Variants in NPIPB2 observed in about 807,000 individuals in gnomAD.
NPIPB2 encodes the protein nuclear pore complex-interacting protein family member B2.
A neutral mutation model predicts 30.8 loss-of-function variants in NPIPB2; 27 were observed. The ratio of observed to expected loss-of-function variants is 0.88; its 90% confidence interval spans 0.65 to 1.21. NPIPB2 has a LOEUF of 1.21. Ranked by LOEUF, NPIPB2 falls within the 50% of genes most tolerant of loss-of-function variation. The pLI is 0.00. For synonymous variants in NPIPB2, 147 were observed against 162.0 expected (o/e 0.91, Z 0.70); for missense variants, 440 against 446.2 (o/e 0.99, Z 0.13).
intron 1 of NPIPB2, among the ~76,000 whole-genome samples, chr16:11,975,145 T>TCTTTTC (rs71139568): frequency 1.8e-5 from 1 of 54,458 alleles, no homozygotes; most frequent in Non-Finnish European, 4.2e-5. Flanking sequence ...CATCACCTTT[T>TCTTTTC]TTTTTTTTTT....
At chr16:11,953,316 T>G (rs1422186551) in intron 1 of NPIPB2, among the ~76,000 whole-genome samples, 4 of 151,950 alleles carry the variant, frequency 2.6e-5, no homozygotes, top group African/African-American at 9.7e-5. Context: ...CGGCTAATTT[T>G]TGGGTTTTTT....
At chr16:11,966,110 C>T in intron 1 of NPIPB2, 5 of 1,391,648 alleles carry the variant, frequency 3.6e-6, no homozygotes, top group Non-Finnish European at 4.8e-6. Flanking sequence ...GACTTTGTCT[C>T]AAAATAAATA....
intron 2 of NPIPB2, among the ~76,000 whole-genome samples, chr16:11,935,137 T>C (rs868691870): frequency 7.0e-6 from 1 of 142,678 alleles, no homozygotes; most frequent in African/African-American, 2.6e-5. Context: ...TGAGGCTGGT[T>C]TGAACTTAAC....
chr16:11,973,162 CAAA>C (rs34947493), intron 1 of NPIPB2, among the ~76,000 whole-genome samples: 64 of 73,038 alleles, frequency 8.8e-4, no homozygotes, highest in African/African-American at 1.6e-3. Context: ...GTGAAACTGT[CAAA>C]AAAAAAAAAA....
At chr16:11,949,775 G>T (rs1243043850) in intron 1 of NPIPB2, among the ~76,000 whole-genome samples, 2 of 152,136 alleles carry the variant, frequency 1.3e-5, no homozygotes, top group Non-Finnish European at 2.9e-5. Flanking sequence ...ACACCGTTTA[G>T]GATTTCTGTG....
intron 1 of NPIPB2, among the ~76,000 whole-genome samples, chr16:11,970,533 AT>A (rs139434065): frequency 0.31 from 46,876 of 149,070 alleles, 8,919 homozygotes; most frequent in Non-Finnish European, 0.45. Context: ...TAAAATCAGC[AT>A]TTTTTTTTTC....
chr16:11,949,168 AAGAG>A (rs977012556), intron 1 of NPIPB2, among the ~76,000 whole-genome samples: 1 of 152,138 alleles, frequency 6.6e-6, no homozygotes, highest in Admixed American at 6.6e-5. Flanking sequence ...AAAAAAGAAA[AAGAG>A]AGAGAAAGGC....
At chr16:11,941,809 G>A in intron 1 of NPIPB2, 174 bp downstream of exon 1, 1 of 1,275,296 alleles carries the variant, frequency 7.8e-7, no homozygotes, top group South Asian at 1.3e-5. Context: ...TCCTCCCAAG[G>A]ACAGGTCCTC....
intron 1 of NPIPB2, among the ~76,000 whole-genome samples, chr16:11,964,246 G>T (rs975059329): frequency 1.3e-5 from 2 of 151,934 alleles, no homozygotes; most frequent in Non-Finnish European, 2.9e-5. Flanking sequence ...CTGCTCATCT[G>T]TATTTCTAAA....
At chr16:11,944,619 T>C (rs1279622679), upstream of NPIPB2, among the ~76,000 whole-genome samples, 2 of 143,314 alleles carry the variant, frequency 1.4e-5, no homozygotes, top group African/African-American at 5.2e-5. Context: ...AAAAATTAGC[T>C]GGGCGTGGTG....
intron 1 of NPIPB2, chr16:11,968,023 G>A: frequency 1.5e-6 from 1 of 672,342 alleles, no homozygotes; most frequent in Non-Finnish European, 2.4e-6. Context: ...GGAGCTTAAT[G>A]GTAGAAACTT....
In NPIPB2 at chr16:11,939,385, C is replaced by G. The variant is rs1377641890; in HGVS notation, c.64-1717G>C. Among the ~76,000 whole-genome samples, 5 of 151,308 alleles carry G rather than the reference C, an allele frequency of 3.3e-5. No homozygotes were observed. The East Asian group carries it at 5.9e-4, about 18-fold the overall frequency. Reference sequence around the variant, plus strand: ...GACCATCCTAGCTAACACGGTGAAACCCATCTCTACTAAAAATACAAAAAA... The same window carrying G: ...GACCATCCTAGCTAACACGGTGAAAGCCATCTCTACTAAAAATACAAAAAA... On this transcript the variant is annotated intron_variant, in intron 1 of 7. Coordinates refer to ENST00000399147, the Ensembl canonical transcript of NPIPB2.
At chr16:11,956,453 A>C (rs1445555161) in intron 1 of NPIPB2, among the ~76,000 whole-genome samples, 1 of 152,180 alleles carries the variant, frequency 6.6e-6, no homozygotes, top group Non-Finnish European at 1.5e-5. Flanking sequence ...AGGCGGGCAG[A>C]TCACCTGAGG....
intron 1 of NPIPB2, among the ~76,000 whole-genome samples, chr16:11,950,856 T>C (rs148182041): frequency 8.1e-4 from 124 of 152,298 alleles, no homozygotes; most frequent in African/African-American, 2.8e-3. Context: ...TTTCTCTGTA[T>C]GTTCTCAGCA....
upstream of NPIPB2, among the ~76,000 whole-genome samples, chr16:11,942,752 C>T (rs2054956565): frequency 6.6e-6 from 1 of 151,080 alleles, no homozygotes; most frequent in South Asian, 2.1e-4. Context: ...GTGGGCAGGA[C>T]CCAGGGGCCT....
chr16:11,930,426 G>A, intron 5 of NPIPB2, 24 bp downstream of exon 5: 7 of 1,534,508 alleles, frequency 4.6e-6, no homozygotes, highest in Non-Finnish European at 5.2e-6. Context: ...TCCCAAGAGG[G>A]TGGGGTTCAG....
At chr16:11,966,641 C>T (rs965597651) in intron 1 of NPIPB2, among the ~76,000 whole-genome samples, 4 of 152,198 alleles carry the variant, frequency 2.6e-5, no homozygotes, top group South Asian at 4.2e-4. Context: ...GTTAGCACAT[C>T]GATTAAATGC....
intron 1 of NPIPB2, among the ~76,000 whole-genome samples, chr16:11,955,728 A>C (rs1426670556): frequency 7.8e-5 from 5 of 64,074 alleles, no homozygotes; most frequent in Non-Finnish European, 1.6e-4. Flanking sequence ...CTCAAAAAAA[A>C]AAAAAGAAAA....
chr16:11,965,731 T>G (rs1197170978), intron 1 of NPIPB2, among the ~76,000 whole-genome samples: 1 of 152,220 alleles, frequency 6.6e-6, no homozygotes, highest in Non-Finnish European at 1.5e-5. Flanking sequence ...TGTTCATTAA[T>G]TAAGGTGATT....
Sources: allele counts gnomAD v4.1 joint callset (sites outside exome capture counted in the v4.1 genomes callset), GRCh38; gene constraint gnomAD v4.1.1; transcripts MANE v1.5; gene names NCBI Gene and HGNC (gene_info 2026-07-23, HGNC 2026-07-21).